The following CSMD3 variants were observed in gnomAD, a reference collection of about 807,000 sequenced individuals.
The protein encoded by CSMD3 is CUB and sushi domain-containing protein 3.
CSMD3 carries 177 observed loss-of-function variants against 435.2 expected under a neutral mutation model. The observed-to-expected ratio is 0.41, with a 90% CI of 0.36 to 0.46. CSMD3 has a LOEUF of 0.46. Among genes scored for constraint, CSMD3 ranks in the 20% least tolerant of loss-of-function variants. The pLI, the probability that CSMD3 is intolerant of heterozygous loss-of-function variation, is 0.34. For missense variants in CSMD3, 4,265 were observed against 4,504.6 expected, an observed-to-expected ratio of 0.95 and a Z score of 1.52; for synonymous variants, 1,656 against 1,520.5, an observed-to-expected ratio of 1.09 and a Z score of -2.07.
intron 13 of CSMD3, among the ~76,000 whole-genome samples, chr8:112,743,798 C>A (rs1282910539): frequency 2.6e-5 from 4 of 151,824 alleles, no homozygotes; most frequent in African/African-American, 9.7e-5. Flanking sequence ...TAAATAAAAT[C>A]GTTCTGATAA....
chr8:113,421,560 G>T (rs1440388460), intron 1 of CSMD3, among the ~76,000 whole-genome samples: 2 of 151,822 alleles, frequency 1.3e-5, no homozygotes, highest in African/African-American at 2.4e-5. Context: ...GTGTTTTTTT[G>T]GGACTCAGAA....
At chr8:112,232,093 G>A (rs1813143954) in intron 68 of CSMD3, among the ~76,000 whole-genome samples, 1 of 152,148 alleles carries the variant, frequency 6.6e-6, no homozygotes, top group Non-Finnish European at 1.5e-5. Flanking sequence ...ATTGACAATA[G>A]TTAAGTTGCA....
chr8:112,726,653 T>C (rs953451416), intron 13 of CSMD3, among the ~76,000 whole-genome samples: 1 of 151,934 alleles, frequency 6.6e-6, no homozygotes, highest in Non-Finnish European at 1.5e-5. Flanking sequence ...GAAGAGACAT[T>C]ACTCATCCAA....
intron 22 of CSMD3, among the ~76,000 whole-genome samples, chr8:112,597,368 A>G (rs1831832844): frequency 6.6e-6 from 1 of 150,562 alleles, no homozygotes; most frequent in African/African-American, 2.4e-5. Context: ...AATTGTGGCA[A>G]TAATCAATAG....
intron 6 of CSMD3, among the ~76,000 whole-genome samples, chr8:113,013,822 G>A (rs562977497): frequency 8.5e-5 from 13 of 152,214 alleles, no homozygotes; most frequent in African/African-American, 2.4e-5. Flanking sequence ...TTCAGTCATT[G>A]TTAAGGCTAG....
chr8:113,214,699 C>A (rs1450159883), intron 3 of CSMD3, among the ~76,000 whole-genome samples: 1 of 151,650 alleles, frequency 6.6e-6, no homozygotes, highest in Non-Finnish European at 1.5e-5. Context: ...TAGAGGAATG[C>A]CTAAAAATAC....
chr8:113,065,053 T>C (rs890327370), intron 5 of CSMD3, among the ~76,000 whole-genome samples: 1 of 152,170 alleles, frequency 6.6e-6, no homozygotes, highest in Non-Finnish European at 1.5e-5. Flanking sequence ...AGTGAAAATA[T>C]ACAGCTATAT....
intron 22 of CSMD3, among the ~76,000 whole-genome samples, chr8:112,610,585 A>G (rs1319709799): frequency 6.6e-6 from 1 of 152,220 alleles, no homozygotes; most frequent in Admixed American, 6.5e-5. Context: ...ATATGATCGT[A>G]TTAACCAATA....
At chr8:112,913,515 AT>A in intron 10 of CSMD3, among the ~76,000 whole-genome samples, 1 of 152,062 alleles carries the variant, frequency 6.6e-6, no homozygotes. Flanking sequence ...AGCTCTTAGC[AT>A]AGAATTTACA....
At chr8:112,508,940 T>C (rs1252208391) in intron 28 of CSMD3, among the ~76,000 whole-genome samples, 1 of 152,162 alleles carries the variant, frequency 6.6e-6, no homozygotes, top group African/African-American at 2.4e-5. Context: ...AGGAGGAAAA[T>C]GTTTCTTATG....
chr8:112,273,539 C>T (rs1817724149), intron 59 of CSMD3, among the ~76,000 whole-genome samples: 1 of 151,780 alleles, frequency 6.6e-6, no homozygotes, highest in East Asian at 1.9e-4. Flanking sequence ...TCCTGGATAA[C>T]ACGGTGAAAC....
At chr8:113,308,259 T>TC (rs1491262911) in intron 2 of CSMD3, among the ~76,000 whole-genome samples, 1 of 25,050 alleles carries the variant, frequency 4.0e-5, no homozygotes, top group African/African-American at 2.0e-4. Flanking sequence ...CATTTAAGTC[T>TC]TTTTTTTTTT....
chr8:112,258,899 T>C (rs1479487420), intron 61 of CSMD3, among the ~76,000 whole-genome samples: 13 of 151,666 alleles, frequency 8.6e-5, no homozygotes, highest in Non-Finnish European at 1.6e-4. Context: ...CTTAGCTGGG[T>C]GTGGTGGCGG....
intron 32 of CSMD3, among the ~76,000 whole-genome samples, chr8:112,423,479 C>G (rs1352048399): frequency 6.6e-6 from 1 of 152,110 alleles, no homozygotes. Flanking sequence ...ATATCATAAA[C>G]ATTGATATAT....
At chr8:112,546,711 A>C (rs141063347) in intron 27 of CSMD3, among the ~76,000 whole-genome samples, 2 of 152,240 alleles carry the variant, frequency 1.3e-5, no homozygotes, top group Admixed American at 6.5e-5. Context: ...GAAGCTGACT[A>C]CTGAGAAGTG....
chr8:112,721,037 G>T (rs74542333), intron 13 of CSMD3, among the ~76,000 whole-genome samples: 2,248 of 152,174 alleles, frequency 0.015, 22 homozygotes, highest in Middle Eastern at 0.031. Flanking sequence ...GTAGAACAGG[G>T]TCTATCAAGA....
intron 5 of CSMD3, among the ~76,000 whole-genome samples, chr8:113,055,747 G>A (rs2088303206): frequency 6.6e-6 from 1 of 152,166 alleles, no homozygotes; most frequent in South Asian, 2.1e-4. Context: ...ATTTTTCAGG[G>A]ATAGCAGAGT....
intron 10 of CSMD3, among the ~76,000 whole-genome samples, chr8:112,878,069 G>T (rs1587552515): frequency 6.6e-6 from 1 of 152,078 alleles, no homozygotes; most frequent in African/African-American, 2.4e-5. Flanking sequence ...TGACAAATGG[G>T]ATCTAATTAA....
intron 28 of CSMD3, among the ~76,000 whole-genome samples, chr8:112,514,475 C>G (rs199510232): frequency 1.3e-5 from 2 of 152,134 alleles, no homozygotes; most frequent in East Asian, 3.9e-4. Flanking sequence ...GTTATATGGG[C>G]ATCAACTATT....
Sources: gnomAD v4.1 joint callset for allele counts (sites outside exome capture counted in the v4.1 genomes callset) on GRCh38, gnomAD v4.1.1 for gene constraint, MANE v1.5 for transcripts, NCBI Gene and HGNC (gene_info 2026-07-23, HGNC 2026-07-21) for gene names.